Variants in ATG14 observed in about 807,000 individuals in gnomAD.
ATG14 encodes autophagy related 14.
ATG14 carries 35 observed loss-of-function variants against 60.4 expected under a neutral mutation model. The ratio of observed to expected loss-of-function variants is 0.58; its 90% CI spans 0.44 to 0.77. The LOEUF is 0.77. Ranked by LOEUF, ATG14 falls within the 30% of genes least tolerant of loss-of-function variation. The probability of loss-of-function intolerance (pLI) is 0.00; values close to 1 mark genes in which losing one functional copy is unlikely to be tolerated. For synonymous variants in ATG14, 234 were observed against 228.8 expected (o/e 1.02, Z -0.21); for missense variants, 647 against 626.3 (o/e 1.03, Z -0.35).
At chr14:55,391,471 T>TAAA (rs746307684) in intron 3 of ATG14, among the ~76,000 whole-genome samples, 16 of 75,764 alleles carry the variant, frequency 2.1e-4, no homozygotes, top group Admixed American at 3.1e-4. Flanking sequence ...TGAGACTCCA[T>TAAA]AAAAAAAAAA....
chr14:55,369,960 C>G, intron 9 of ATG14, 35 bp from the exon 10 acceptor site: 1 of 1,530,572 alleles, frequency 6.5e-7, no homozygotes, highest in Non-Finnish European at 8.8e-7. Flanking sequence ...TTTAGGATAA[C>G]AACCATTCTC....
Position 55,369,765 on chromosome 14 carries a change from C to T in ATG14, c.1333G>A (p.Asp445Asn). The change falls in exon 10 of 10, where the codon GAT (aspartate) becomes AAT (asparagine). Residue 445 changes from aspartate to asparagine, a missense_variant. Asp to Asn is a conservative substitution (Grantham distance 23, BLOSUM62 1). Transcript: ENST00000247178. ...WENLPSPRFCDIPSQSVEVSQ... is the reference protein window; with the variant it reads ...WENLPSPRFCNIPSQSVEVSQ... ...ACTTCCACAGACTGGGAAGGGATAT[C>T]ACAAAACCGGGGACTAGGCAAGTTC... 1 of 1,614,206 alleles carries T rather than the reference C, an allele frequency of 6.2e-7. No homozygotes were observed. Among genetic ancestry groups the T allele is most frequent in the East Asian group, 2.2e-5 (1 of 44,890 alleles).
intron 6 of ATG14, among the ~76,000 whole-genome samples, 181 bp from the exon 7 acceptor site, chr14:55,380,871 A>T (rs1885019525): frequency 8.9e-5 from 8 of 90,032 alleles, no homozygotes; most frequent in Non-Finnish European, 4.1e-5. Context: ...ATATATATAT[A>T]TATATTTTTT....
intron 9 of ATG14, among the ~76,000 whole-genome samples, chr14:55,370,918 G>T (rs1884802113): frequency 1.3e-5 from 2 of 152,272 alleles, no homozygotes; most frequent in African/African-American, 4.8e-5. Flanking sequence ...TGAGATTACA[G>T]TTGTGAGCCA....
chr14:55,399,859 A>G (rs1885369781), intron 1 of ATG14, among the ~76,000 whole-genome samples: 1 of 152,254 alleles, frequency 6.6e-6, no homozygotes, highest in Non-Finnish European at 1.5e-5. Flanking sequence ...TTGGGAAGAC[A>G]GACAACTGTG....
chr14:55,367,943 A>G lies in ATG14; in HGVS notation c.*1676T>C, dbSNP rs750882572. On this transcript the variant is annotated 3_prime_UTR_variant, in exon 10 of 10. Coordinates refer to ENST00000247178, the MANE Select transcript of ATG14 (RefSeq NM_014924.5). ...GACTTGGAGGCAAAGTATCAACTAC[A>G]ATTATTATGATGAGAAAAGAAGCTG... 9.2e-5 allele frequency: 14 copies of G among 152,684 alleles called. No individual in the cohort carries two copies. Among genetic ancestry groups the G allele is most frequent in the Admixed American group, 2.6e-4 (4 of 15,296 alleles). 9.5% of individuals were successfully genotyped at this position (152,684 alleles called of 1,614,324 possible).
intron 1 of ATG14, among the ~76,000 whole-genome samples, chr14:55,408,569 G>A (rs543022808): frequency 1.3e-5 from 2 of 152,196 alleles, no homozygotes; most frequent in South Asian, 2.1e-4. Flanking sequence ...CCACAGGTTC[G>A]AGATCAGCCT....
At chr14:55,382,933 T>C (rs1468033509) in intron 5 of ATG14, among the ~76,000 whole-genome samples, 2 of 152,274 alleles carry the variant, frequency 1.3e-5, no homozygotes, top group African/African-American at 4.8e-5. Context: ...AAACCTATTA[T>C]ACATTTTTAT....
chr14:55,373,804 C>CAA (rs71705938), intron 9 of ATG14, among the ~76,000 whole-genome samples: 1 of 135,302 alleles, frequency 7.4e-6, no homozygotes. Flanking sequence ...AAATTTGTTT[C>CAA]AAAAAAAAAA....
intron 4 of ATG14, among the ~76,000 whole-genome samples, chr14:55,388,994 C>G (rs147598899): frequency 6.6e-6 from 1 of 152,108 alleles, no homozygotes; most frequent in African/African-American, 2.4e-5. Context: ...CACGTTCAAG[C>G]ATGTGATCAT....
intron 2 of ATG14, among the ~76,000 whole-genome samples, chr14:55,396,582 T>C (rs1462596226): frequency 1.3e-5 from 2 of 152,134 alleles, no homozygotes; most frequent in Non-Finnish European, 1.5e-5. Flanking sequence ...ATCGGGGGTG[T>C]GAGACATCCA....
At chr14:55,383,256 AAAT>A (rs1398504777) in intron 5 of ATG14, among the ~76,000 whole-genome samples, 6 of 152,210 alleles carry the variant, frequency 3.9e-5, no homozygotes, top group Non-Finnish European at 5.9e-5. Context: ...AAAAGAAAGA[AAAT>A]AAACAACAGG....
chr14:55,378,633 T>C (rs1448311047), intron 7 of ATG14, among the ~76,000 whole-genome samples: 2 of 151,832 alleles, frequency 1.3e-5, no homozygotes, highest in Non-Finnish European at 2.9e-5. Flanking sequence ...CTCCCTCAGT[T>C]CCCCTATGAT....
At chr14:55,410,349 G>A (rs184329905) in intron 1 of ATG14, among the ~76,000 whole-genome samples, 59 of 152,296 alleles carry the variant, frequency 3.9e-4, no homozygotes, top group African/African-American at 1.2e-3. Flanking sequence ...CGTGTAGACA[G>A]ACAAGAAGGT....
intron 1 of ATG14, among the ~76,000 whole-genome samples, chr14:55,406,075 C>A (rs1320889879): frequency 6.6e-6 from 1 of 152,146 alleles, no homozygotes; most frequent in African/African-American, 2.4e-5. Flanking sequence ...CTGCCAAACT[C>A]ATATTGTCCC....
chr14:55,385,868 G>T lies in ATG14; in HGVS notation c.638C>A (p.Thr213Lys). ...SVIFPIEEVK[T>K]GVRDPADVSS... ...GACTTGCTTAATGTACCTCACACCCGTCTTTACTTCCTCGATTGGAAAAAT... is the reference window on the plus strand; with the variant it reads ...GACTTGCTTAATGTACCTCACACCCTTCTTTACTTCCTCGATTGGAAAAAT... The change falls in exon 5 of 10, where the codon ACG becomes AAG. Residue 213 changes from threonine (T) to lysine (K), a missense_variant. Physicochemically the swap from Thr to Lys is moderately conservative, Grantham distance 78. Transcript: ENST00000247178. 1.2e-6 allele frequency: 2 copies of T among 1,610,920 alleles called. No homozygotes were observed. Among genetic ancestry groups the T allele is most frequent in the Non-Finnish European group, 8.5e-7 (1 of 1,178,114 alleles).
At chr14:55,389,400 A>G (rs911573231) in intron 4 of ATG14, among the ~76,000 whole-genome samples, 1 of 152,218 alleles carries the variant, frequency 6.6e-6, no homozygotes, top group African/African-American at 2.4e-5. Context: ...TAGGTTCTAT[A>G]TAGTTCTGGG....
chr14:55,401,659 T>C (rs1354731443), intron 1 of ATG14, among the ~76,000 whole-genome samples: 1 of 152,204 alleles, frequency 6.6e-6, no homozygotes, highest in Admixed American at 6.5e-5. Context: ...TTTTTTTTTC[T>C]GTTAAAAAAA....
In ATG14 at chr14:55,380,604, C is replaced by G. The variant is rs1043530889; in HGVS notation, c.964G>C (p.Asp322His). Residue 322 changes from aspartate to histidine, a missense_variant, in exon 7 of 10, where the codon GAT becomes CAT. Physicochemically the swap from Asp to His is moderately conservative, Grantham distance 81. Coordinates refer to ENST00000247178, the MANE Select transcript of ATG14 (RefSeq NM_014924.5). ...CAGAGCTTTTTGGGAAGATTTACAT[C>G]AAGTATATGAGACAGAATGTTGACC... is the stretch of plus-strand genomic sequence containing the variant. ...QLVNILSHILDVNLPKKLCNS... is the reference protein window; with the variant it reads ...QLVNILSHILHVNLPKKLCNS... The G allele has an allele frequency of 1.2e-6, 2 of 1,612,298 alleles. No individual in the cohort carries two copies. The highest frequency in any genetic ancestry group is 1.1e-5 in the South Asian group (1 of 90,698).
Sources: allele counts gnomAD v4.1 joint callset (sites outside exome capture counted in the v4.1 genomes callset), GRCh38; gene constraint gnomAD v4.1.1; transcripts MANE v1.5; gene names NCBI Gene and HGNC (gene_info 2026-07-23, HGNC 2026-07-21).